The following SLC38A9 variants were observed in gnomAD, a reference collection of about 807,000 sequenced individuals.
SLC38A9 encodes the protein solute carrier family 38 member 9.
In SLC38A9, 48 loss-of-function variants were observed where a neutral mutation model predicts 62.3. That is an observed-to-expected ratio of 0.77 (90% CI 0.61 to 0.98). The LOEUF (loss-of-function observed/expected upper bound fraction) is 0.98. Among genes scored for constraint, SLC38A9 ranks in the 50% least tolerant of loss-of-function variants. The pLI, the probability that SLC38A9 is intolerant of heterozygous loss-of-function variation, is 0.00. For synonymous variants in SLC38A9, 204 were observed against 227.7 expected (o/e 0.90, Z 0.94); for missense variants, 541 against 679.8 (o/e 0.80, Z 2.27).
chr5:55,682,275 C>T (rs1753135735), intron 3 of SLC38A9, among the ~76,000 whole-genome samples: 3 of 152,176 alleles, frequency 2.0e-5, no homozygotes, highest in South Asian at 4.1e-4. Context: ...TCCTCAACCT[C>T]AGCCAAAACA....
At chr5:55,641,644 C>T (rs1396729359) in intron 12 of SLC38A9, among the ~76,000 whole-genome samples, 1 of 152,202 alleles carries the variant, frequency 6.6e-6, no homozygotes, top group East Asian at 1.9e-4. Flanking sequence ...CTTTGTTTGA[C>T]AATTCCCCAT....
chr5:55,677,129 T>TAATGC (rs2150392272), intron 3 of SLC38A9, among the ~76,000 whole-genome samples: 1 of 152,310 alleles, frequency 6.6e-6, no homozygotes, highest in African/African-American at 2.4e-5. Flanking sequence ...TTACTCCATG[T>TAATGC]AATGCAAGTA....
In SLC38A9 at chr5:55,652,581, G is replaced by C; in HGVS notation, c.900C>G (p.Leu300=). ...AAGGAGACTTGAAATTGAGCAGTGG[G>C]AGGAGGAGCCCTACAAGATAAAAGG... ...TVPFYLVGLL[L]PLLNFKSPSF... is the part of the protein sequence containing the mutation. The change falls in exon 10 of 16, where the codon CTC becomes CTG. Residue 300 remains leucine (L), a synonymous_variant. Coordinates refer to ENST00000396865, the MANE Select transcript of SLC38A9 (RefSeq NM_173514.4). 6.2e-7 allele frequency: 1 copy of C among 1,610,926 alleles called. No homozygotes were observed. The highest frequency in any genetic ancestry group is 1.1e-5 in the South Asian group (1 of 90,636).
chr5:55,667,073 T>C (rs1314981204), intron 7 of SLC38A9, among the ~76,000 whole-genome samples: 1 of 152,138 alleles, frequency 6.6e-6, no homozygotes, highest in Non-Finnish European at 1.5e-5. Context: ...TGGGCGCCTG[T>C]AGTTCCAGCT....
intron 15 of SLC38A9, 66 bp from the exon 16 acceptor site, chr5:55,626,725 C>A: frequency 7.2e-7 from 1 of 1,397,662 alleles, no homozygotes; most frequent in South Asian, 1.7e-5. Context: ...TTAAGGTAAA[C>A]ATAGTACAAT....
intron 2 of SLC38A9, among the ~76,000 whole-genome samples, chr5:55,710,215 T>A (rs1343159011): frequency 6.6e-6 from 1 of 151,126 alleles, no homozygotes; most frequent in Admixed American, 6.6e-5. Flanking sequence ...TTTTTTTTTT[T>A]TTTTTAAGAC....
chr5:55,680,219 A>C (rs1752789717), intron 3 of SLC38A9, among the ~76,000 whole-genome samples: 1 of 115,096 alleles, frequency 8.7e-6, no homozygotes, highest in Admixed American at 8.7e-5. Context: ...ATATATCTAT[A>C]TATATATAGA....
intron 4 of SLC38A9, among the ~76,000 whole-genome samples, chr5:55,671,181 C>A (rs1019343744): frequency 2.6e-5 from 3 of 115,492 alleles, no homozygotes; most frequent in Non-Finnish European, 5.9e-5. Flanking sequence ...TATAAACTAC[C>A]AAATTACTTA....
chr5:55,651,521 T>C (rs1561338395), intron 10 of SLC38A9, among the ~76,000 whole-genome samples: 1 of 152,114 alleles, frequency 6.6e-6, no homozygotes, highest in Non-Finnish European at 1.5e-5. Context: ...GTGTTGGGAA[T>C]ACAGGCGTGA....
At position 55,657,357 on chromosome 5, in the gene SLC38A9, G is replaced by A. The variant is rs575641520; in HGVS notation, c.698-583C>T. Reference sequence around the variant, plus strand: ...TGAATTAATGATAGTTTAAAGCCCCGGAATAAAGATATGTATGTAAGTTTT... The same window carrying A: ...TGAATTAATGATAGTTTAAAGCCCCAGAATAAAGATATGTATGTAAGTTTT... On this transcript the variant is annotated intron_variant, in intron 8 of 15. Transcript: ENST00000396865. Among the ~76,000 whole-genome samples the A allele has an allele frequency of 4.6e-5, 7 of 152,122 alleles. 1 individual carries two copies. In the South Asian group the frequency reaches 1.0e-3, roughly 23 times the overall value.
intron 8 of SLC38A9, among the ~76,000 whole-genome samples, chr5:55,663,689 C>T (rs1288394284): frequency 2.0e-5 from 3 of 152,056 alleles, no homozygotes; most frequent in Admixed American, 6.6e-5. Context: ...TCCGAGATCG[C>T]GCCACAGCAC....
At chr5:55,650,759 C>T (rs776388773) in intron 10 of SLC38A9, among the ~76,000 whole-genome samples, 18 of 152,108 alleles carry the variant, frequency 1.2e-4, no homozygotes, top group Non-Finnish European at 1.9e-4. Context: ...AACCTAGAAG[C>T]CACTGCCTTG....
intron 3 of SLC38A9, among the ~76,000 whole-genome samples, chr5:55,683,020 G>A (rs116300940): frequency 0.036 from 5,519 of 151,680 alleles, 137 homozygotes; most frequent in African/African-American, 0.07. Context: ...AGGGAGGTGG[G>A]GAAGAAGAGA....
At chr5:55,653,027 C>T (rs1561342774) in intron 9 of SLC38A9, among the ~76,000 whole-genome samples, 1 of 152,090 alleles carries the variant, frequency 6.6e-6, no homozygotes, top group African/African-American at 2.4e-5. Flanking sequence ...AGTCCAGTGG[C>T]GTGATCTCGG....
intron 8 of SLC38A9, among the ~76,000 whole-genome samples, chr5:55,660,696 T>C (rs1367880719): frequency 6.6e-6 from 1 of 152,144 alleles, no homozygotes; most frequent in Non-Finnish European, 1.5e-5. Context: ...AAGCACAAAA[T>C]TCATTCTCAG....
At chr5:55,711,349 TA>T (rs2150768108) in intron 2 of SLC38A9, 102 bp downstream of exon 2, 1 of 152,458 alleles carries the variant, frequency 6.6e-6, no homozygotes, top group East Asian at 1.9e-4. Context: ...AGGTACAACT[TA>T]CAACTTATAG....
chr5:55,641,566 T>C (rs746454504), intron 12 of SLC38A9, among the ~76,000 whole-genome samples: 7 of 152,240 alleles, frequency 4.6e-5, no homozygotes, highest in Admixed American at 3.9e-4. Flanking sequence ...CTATTTCTTT[T>C]ATAACTCTCT....
intron 3 of SLC38A9, among the ~76,000 whole-genome samples, chr5:55,686,098 T>G (rs1454078219): frequency 6.6e-6 from 1 of 152,216 alleles, no homozygotes; most frequent in Non-Finnish European, 1.5e-5. Flanking sequence ...TGTGTACATG[T>G]ATCTTTATAA....
intron 3 of SLC38A9, among the ~76,000 whole-genome samples, chr5:55,691,745 C>T (rs1221116726): frequency 6.6e-6 from 1 of 152,130 alleles, no homozygotes; most frequent in African/African-American, 2.4e-5. Flanking sequence ...CCTTTCTGTC[C>T]CTCCACTCAC....
Sources: gnomAD v4.1 joint callset for allele counts (sites outside exome capture counted in the v4.1 genomes callset) on GRCh38, gnomAD v4.1.1 for gene constraint, MANE v1.5 for transcripts, NCBI Gene and HGNC (gene_info 2026-07-23, HGNC 2026-07-21) for gene names.